Variants in KCNH1 observed in about 807,000 individuals in gnomAD.
KCNH1 encodes voltage-gated delayed rectifier potassium channel KCNH1.
A neutral mutation model predicts 69.2 loss-of-function variants in KCNH1; 27 were observed. The ratio of observed to expected loss-of-function variants is 0.39; its 90% confidence interval spans 0.29 to 0.54. KCNH1 has a LOEUF of 0.54. Among genes scored for constraint, KCNH1 ranks in the 20% least tolerant of loss-of-function variants. KCNH1 has a pLI of 0.68. For missense variants in KCNH1, 798 were observed against 1,261.6 expected (o/e 0.63, Z 5.57); for synonymous variants, 456 against 487.7 (o/e 0.93, Z 0.86).
intron 10 of KCNH1, among the ~76,000 whole-genome samples, chr1:210,743,278 G>C (rs544310955): frequency 6.6e-6 from 1 of 152,272 alleles, no homozygotes; most frequent in East Asian, 1.9e-4. Flanking sequence ...TAGCCAGTCC[G>C]AGTGTCCTGA....
chr1:210,858,134 T>C (rs750036774), intron 7 of KCNH1: 1 of 152,222 alleles, frequency 6.6e-6, no homozygotes, highest in Non-Finnish European at 1.5e-5. Flanking sequence ...ATAGCTGAAT[T>C]AAGTTCTTTT....
chr1:210,937,181 C>T (rs752085256), intron 6 of KCNH1, among the ~76,000 whole-genome samples: 6 of 152,154 alleles, frequency 3.9e-5, no homozygotes, highest in African/African-American at 9.7e-5. Flanking sequence ...TTCCATCCAT[C>T]GCAATCAGAT....
intron 10 of KCNH1, among the ~76,000 whole-genome samples, chr1:210,697,112 G>A (rs1681662220): frequency 6.6e-6 from 1 of 152,200 alleles, no homozygotes; most frequent in South Asian, 2.1e-4. Flanking sequence ...CAGAACCCAA[G>A]TCTGCTGATA....
Position 211,064,709 on chromosome 1 carries a change from A to G in KCNH1, c.558+18071T>C, listed in dbSNP as rs375430366. Among the ~76,000 whole-genome samples, 5 of 152,310 alleles carry G rather than the reference A, an allele frequency of 3.3e-5. No homozygotes were observed. In the East Asian group the frequency reaches 9.6e-4, roughly 29 times the overall value. On this transcript the variant is annotated intron_variant, in intron 5 of 10. Coordinates refer to ENST00000271751, the MANE Select transcript of KCNH1 (RefSeq NM_172362.3). Reference sequence around the variant, plus strand: ...AGCAAAGTGAAGCGACAACCTACAGAATGGAAGATCATATTTGCAAATCAT... The same window carrying G: ...AGCAAAGTGAAGCGACAACCTACAGGATGGAAGATCATATTTGCAAATCAT...
In KCNH1 at chr1:210,804,220, G is replaced by A. The variant is rs111649518; in HGVS notation, c.1463-54C>T. 13,603 of 1,482,232 alleles carry A rather than the reference G, an allele frequency of 9.2e-3. 80 individuals are homozygous for A. The highest frequency in any genetic ancestry group is 0.011 in the Non-Finnish European group (12,185 of 1,084,668). 91.8% of individuals were successfully genotyped at this position (1,482,232 alleles called of 1,614,324 possible). ...GAAATAACAAGTTAGTGGTCCCTGAGCCAGGGTTCCAGAATGCTCAGCTTG... is the reference window on the plus strand; with the variant it reads ...GAAATAACAAGTTAGTGGTCCCTGAACCAGGGTTCCAGAATGCTCAGCTTG... On this transcript the variant is annotated intron_variant, in intron 7 of 10. Coordinates refer to ENST00000271751, the MANE Select transcript of KCNH1 (RefSeq NM_172362.3).
chr1:210,780,104 G>C (rs908425582), intron 9 of KCNH1, among the ~76,000 whole-genome samples: 1 of 152,188 alleles, frequency 6.6e-6, no homozygotes, highest in Non-Finnish European at 1.5e-5. Context: ...TTCAAGAGAT[G>C]CTGGAACTCT....
intron 10 of KCNH1, among the ~76,000 whole-genome samples, chr1:210,750,740 G>T (rs570601898): frequency 6.6e-6 from 1 of 152,080 alleles, no homozygotes; most frequent in African/African-American, 2.4e-5. Context: ...TGTAAGATGG[G>T]ATTTCGGAAG....
At chr1:210,839,622 G>T (rs1010224745) in intron 7 of KCNH1, among the ~76,000 whole-genome samples, 5 of 152,112 alleles carry the variant, frequency 3.3e-5, no homozygotes, top group African/African-American at 1.2e-4. Flanking sequence ...TTTGTAAATT[G>T]CCATATAAAT....
At chr1:211,019,342 G>A (rs1182120526) in intron 5 of KCNH1, 86 bp from the exon 6 acceptor site, 2 of 809,644 alleles carry the variant, frequency 2.5e-6, no homozygotes, top group Non-Finnish European at 4.0e-6. Context: ...ATTGACAAAT[G>A]GTCACAATAC....
chr1:210,751,584 G>A (rs1683285249), intron 10 of KCNH1, among the ~76,000 whole-genome samples: 1 of 152,082 alleles, frequency 6.6e-6, no homozygotes, highest in Non-Finnish European at 1.5e-5. Context: ...TCACCCTGGT[G>A]TAGTGGGTAG....
chr1:210,914,585 C>A (rs1440323380), intron 7 of KCNH1, among the ~76,000 whole-genome samples: 1 of 151,998 alleles, frequency 6.6e-6, no homozygotes, highest in Non-Finnish European at 1.5e-5. Flanking sequence ...TCCTCCCAGG[C>A]AAGAAGGCAA....
At chr1:210,776,168 A>G (rs1241233741) in intron 9 of KCNH1, among the ~76,000 whole-genome samples, 1 of 152,144 alleles carries the variant, frequency 6.6e-6, no homozygotes, top group Non-Finnish European at 1.5e-5. Flanking sequence ...ACAAGTGCAG[A>G]GTTCTCTCCT....
chr1:211,037,751 G>C (rs1689923792), intron 5 of KCNH1, among the ~76,000 whole-genome samples: 1 of 151,992 alleles, frequency 6.6e-6, no homozygotes, highest in Admixed American at 6.5e-5. Context: ...AGGAGAGCAA[G>C]ACCATACCTT....
chr1:211,120,788 A>G (rs1403882939), intron 1 of KCNH1, among the ~76,000 whole-genome samples: 1 of 152,148 alleles, frequency 6.6e-6, no homozygotes, highest in African/African-American at 2.4e-5. Context: ...AAACACCATC[A>G]TCTCAGCCCA....
intron 6 of KCNH1, among the ~76,000 whole-genome samples, chr1:210,949,423 A>G (rs1688021073): frequency 6.6e-6 from 1 of 152,208 alleles, no homozygotes; most frequent in African/African-American, 2.4e-5. Flanking sequence ...TACTCCAAGA[A>G]GTCTTCCTGC....
chr1:210,867,004 C>G (rs186616041), intron 7 of KCNH1, among the ~76,000 whole-genome samples: 1 of 151,950 alleles, frequency 6.6e-6, no homozygotes, highest in East Asian at 1.9e-4. Context: ...GTGAAATAAG[C>G]CAGTCACAAA....
intron 10 of KCNH1, among the ~76,000 whole-genome samples, chr1:210,731,627 G>C (rs6540622): frequency 0.11 from 16,768 of 152,182 alleles, 1,490 homozygotes; most frequent in African/African-American, 0.25. Context: ...AATGCCACAA[G>C]CCCTTTGAAA....
At chr1:210,887,939 T>C (rs987089350) in intron 7 of KCNH1, among the ~76,000 whole-genome samples, 8 of 152,010 alleles carry the variant, frequency 5.3e-5, no homozygotes, top group African/African-American at 1.9e-4. Flanking sequence ...ACAAAGAGAC[T>C]CAGACTTCCA....
intron 7 of KCNH1, among the ~76,000 whole-genome samples, chr1:210,915,044 T>G (rs562243549): frequency 6.6e-6 from 1 of 152,264 alleles, no homozygotes; most frequent in African/African-American, 2.4e-5. Flanking sequence ...AACTGTCTCT[T>G]TGCCATCAAA....
Sources: gnomAD v4.1 joint callset for allele counts (sites outside exome capture counted in the v4.1 genomes callset) on GRCh38, gnomAD v4.1.1 for gene constraint, MANE v1.5 for transcripts, NCBI Gene and HGNC (gene_info 2026-07-23, HGNC 2026-07-21) for gene names.